Variants in IKZF2 observed in about 807,000 individuals in gnomAD.
IKZF2 encodes the protein IKAROS family zinc finger 2.
IKZF2 carries 15 observed loss-of-function variants against 49.2 expected under a neutral mutation model. That is an observed-to-expected ratio of 0.30 (90% CI 0.20 to 0.47). The LOEUF is 0.47. IKZF2 is among the 20% of genes least tolerant of loss of function. The pLI is 1.00. For synonymous variants in IKZF2, 227 were observed against 221.4 expected (o/e 1.03, Z -0.23); for missense variants, 567 against 664.6 (o/e 0.85, Z 1.61).
chr2:213,132,572 T>C (rs988205172), intron 4 of IKZF2, among the ~76,000 whole-genome samples: 1 of 152,216 alleles, frequency 6.6e-6, no homozygotes, highest in Non-Finnish European at 1.5e-5. Context: ...ATGAATTTAA[T>C]ATAACACATA....
chr2:213,043,808 C>T (rs986685491), intron 6 of IKZF2, among the ~76,000 whole-genome samples: 13 of 152,348 alleles, frequency 8.5e-5, no homozygotes, highest in East Asian at 1.9e-4. Context: ...CTCACTGCTG[C>T]TCACCTCCTG....
At chr2:213,135,212 T>C (rs1177072281) in intron 4 of IKZF2, among the ~76,000 whole-genome samples, 1 of 152,164 alleles carries the variant, frequency 6.6e-6, no homozygotes, top group African/African-American at 2.4e-5. Context: ...GAATTGAAAA[T>C]CTATGTTTTA....
At chr2:213,045,351 A>G (rs1700053353) in intron 6 of IKZF2, among the ~76,000 whole-genome samples, 1 of 152,250 alleles carries the variant, frequency 6.6e-6, no homozygotes, top group Non-Finnish European at 1.5e-5. Flanking sequence ...GACACTAGGT[A>G]TGAAGCAATG....
chr2:213,056,478 T>C, intron 5 of IKZF2: 1 of 357,702 alleles, frequency 2.8e-6, no homozygotes, highest in Non-Finnish European at 5.3e-6. Context: ...AACTCTTATC[T>C]AGCAAACTAT....
intron 4 of IKZF2, among the ~76,000 whole-genome samples, chr2:213,114,812 G>C (rs1331678505): frequency 6.6e-6 from 1 of 151,766 alleles, no homozygotes; most frequent in African/African-American, 2.4e-5. Flanking sequence ...CGCGCCTGTA[G>C]TCCCAGCTAC....
chr2:213,016,766 C>T (rs1231204720), intron 7 of IKZF2, among the ~76,000 whole-genome samples: 1 of 152,014 alleles, frequency 6.6e-6, no homozygotes, highest in Non-Finnish European at 1.5e-5. Context: ...ACGGCAAAAC[C>T]ATAAGTGTAT....
At chr2:213,131,272 T>C (rs1235151850) in intron 4 of IKZF2, among the ~76,000 whole-genome samples, 2 of 152,182 alleles carry the variant, frequency 1.3e-5, no homozygotes, top group African/African-American at 4.8e-5. Context: ...GGGAGAGCCA[T>C]TTGATTCATA....
intron 4 of IKZF2, among the ~76,000 whole-genome samples, chr2:213,134,971 C>T (rs1222226865): frequency 6.6e-6 from 1 of 152,146 alleles, no homozygotes; most frequent in Non-Finnish European, 1.5e-5. Flanking sequence ...CAGCTTTCTT[C>T]TATGCTCTCT....
In IKZF2 at chr2:213,002,917, T is replaced by G. The variant is rs1047036866; in HGVS notation, c.*4443A>C. 3.3e-5 allele frequency: 5 copies of G among 151,982 alleles called. No individual in the cohort carries two copies. The highest frequency in any genetic ancestry group is 1.2e-4 in the African/African-American group (5 of 41,412). 9.4% of individuals were successfully genotyped at this position (151,982 alleles called of 1,614,324 possible). On this transcript the variant is annotated 3_prime_UTR_variant, in exon 9 of 9. Coordinates refer to ENST00000434687, the MANE Select transcript of IKZF2 (RefSeq NM_001387220.1). Reference sequence around the variant, plus strand: ...AACAAAAACACAAATTATAATTCAATTCACAGGTAAAGTTTCACTCTATAT... The same window carrying G: ...AACAAAAACACAAATTATAATTCAAGTCACAGGTAAAGTTTCACTCTATAT...
chr2:213,032,991 G>T (rs1349948758), intron 6 of IKZF2, among the ~76,000 whole-genome samples: 1 of 152,112 alleles, frequency 6.6e-6, no homozygotes, highest in Non-Finnish European at 1.5e-5. Context: ...TTCAAAATTG[G>T]ATTCAACTCT....
chr2:213,017,337 T>A (rs1696721810), intron 7 of IKZF2, among the ~76,000 whole-genome samples: 1 of 152,278 alleles, frequency 6.6e-6, no homozygotes, highest in South Asian at 2.1e-4. Context: ...GATCTATATA[T>A]TTAACATCTT....
intron 4 of IKZF2, among the ~76,000 whole-genome samples, chr2:213,143,853 T>C (rs2060955560): frequency 6.6e-6 from 1 of 151,974 alleles, no homozygotes; most frequent in African/African-American, 2.4e-5. Flanking sequence ...CTGAGATATT[T>C]GTCACAAAAA....
intron 4 of IKZF2, among the ~76,000 whole-genome samples, chr2:213,094,522 G>A (rs553276938): frequency 6.6e-6 from 1 of 152,144 alleles, no homozygotes; most frequent in African/African-American, 2.4e-5. Context: ...GACCCCCCTA[G>A]CCTGGGAGAG....
At position 213,147,596 on chromosome 2, in the gene IKZF2, C is replaced by T. The variant is rs753833159; in HGVS notation, c.139+112G>A. 8.6e-6 allele frequency: 7 copies of T among 813,948 alleles called. No individual in the cohort carries two copies. The African/African-American group carries it at 1.0e-4, about 12-fold the overall frequency. 50.4% of individuals were successfully genotyped at this position (813,948 alleles called of 1,614,324 possible). On this transcript the variant is annotated intron_variant, in intron 4 of 8. Coordinates refer to ENST00000434687, the MANE Select transcript of IKZF2 (RefSeq NM_001387220.1). ...TGTGTTGTTCTTTCTTTAGCAAAAT[C>T]TATAACAGTAGCTATACCACAATGT...
At chr2:213,052,952 T>C (rs1700812559) in intron 5 of IKZF2, among the ~76,000 whole-genome samples, 1 of 152,148 alleles carries the variant, frequency 6.6e-6, no homozygotes, top group South Asian at 2.1e-4. Flanking sequence ...TATGAAACTT[T>C]AAAACAACAT....
intron 7 of IKZF2, 84 bp from the exon 8 acceptor site, chr2:213,014,018 G>A (rs768003697): frequency 2.3e-6 from 3 of 1,314,890 alleles, no homozygotes; most frequent in Non-Finnish European, 3.2e-6. Context: ...ATCTCGATAT[G>A]TGTTATAAAA....
At chr2:213,062,725 C>A (rs867684453) in intron 4 of IKZF2, among the ~76,000 whole-genome samples, 1 of 151,930 alleles carries the variant, frequency 6.6e-6, no homozygotes, top group African/African-American at 2.4e-5. Context: ...ATGCCAGACA[C>A]TTGAAATGGT....
Position 213,004,057 on chromosome 2 carries a change from A to G in IKZF2, c.*3303T>C, listed in dbSNP as rs543141043. On this transcript the variant is annotated 3_prime_UTR_variant, in exon 9 of 9. Coordinates refer to ENST00000434687, the MANE Select transcript of IKZF2 (RefSeq NM_001387220.1). Reference sequence around the variant, plus strand: ...ACGACCTGATAAAGTAAACCCAACTAATTTCTTGGTATTAACTGTCATTTA... The same window carrying G: ...ACGACCTGATAAAGTAAACCCAACTGATTTCTTGGTATTAACTGTCATTTA... The G allele has an allele frequency of 6.6e-6, 1 of 151,896 alleles. No individual in the cohort carries two copies. Among genetic ancestry groups the G allele is most frequent in the East Asian group, 1.9e-4 (1 of 5,156 alleles). 9.4% of individuals were successfully genotyped at this position (151,896 alleles called of 1,614,324 possible).
intron 4 of IKZF2, among the ~76,000 whole-genome samples, chr2:213,134,689 G>T (rs1379383460): frequency 6.6e-6 from 1 of 152,102 alleles, no homozygotes; most frequent in Admixed American, 6.6e-5. Flanking sequence ...TCTTTCTCCC[G>T]AATCTAAATG....
Sources: allele counts gnomAD v4.1 joint callset (sites outside exome capture counted in the v4.1 genomes callset), GRCh38; gene constraint gnomAD v4.1.1; transcripts MANE v1.5; gene names NCBI Gene and HGNC (gene_info 2026-07-23, HGNC 2026-07-21).